Variants in PLPPR3 observed in about 807,000 individuals in gnomAD.
PLPPR3 encodes the protein phospholipid phosphatase-related protein type 3.
PLPPR3 carries 14 observed loss-of-function variants against 27.3 expected under a neutral mutation model. That is an observed-to-expected ratio of 0.51 (90% confidence interval 0.34 to 0.80). The LOEUF is 0.80. PLPPR3 is among the 30% of genes least tolerant of loss of function. The pLI is 0.01. For synonymous variants in PLPPR3, 671 were observed against 508.0 expected (o/e 1.32, Z -4.32); for missense variants, 1,287 against 1,056.9 (o/e 1.22, Z -3.02).
chr19:819,298 C>T (rs1452072791), intron 2 of PLPPR3, among the ~76,000 whole-genome samples: 1 of 59,712 alleles, frequency 1.7e-5, no homozygotes, highest in African/African-American at 1.8e-4. Context: ...TTTTTTTTTC[C>T]GAGATGGAGT....
Position 815,208 on chromosome 19 carries a change from C to T in PLPPR3, c.381G>A (p.Leu127=), listed in dbSNP as rs1402561139. The change falls in exon 4 of 8, where the codon CTG becomes CTA. Residue 127 remains leucine (L), a synonymous_variant. Coordinates refer to ENST00000520876, the MANE Select transcript of PLPPR3 (RefSeq NM_001270366.2). ...NAGGCNFNSF[L]RRTVRFVGVH... is the part of the protein sequence containing the mutation. Reference sequence around the variant, plus strand: ...CACCCACAAACCGCACCGTACGCCGCAGGAAGGAGTTGAAGTTGCAGCCGC... The same window carrying T: ...CACCCACAAACCGCACCGTACGCCGTAGGAAGGAGTTGAAGTTGCAGCCGC... The T allele has an allele frequency of 1.9e-6, 3 of 1,602,718 alleles. No homozygotes were observed. Among genetic ancestry groups the T allele is most frequent in the Non-Finnish European group, 1.7e-6 (2 of 1,177,540 alleles).
At position 821,570 on chromosome 19, in the gene PLPPR3, G is replaced by A. The variant is rs1272414966; in HGVS notation, c.-11C>T. 2.0e-6 allele frequency: 3 copies of A among 1,477,862 alleles called. No homozygotes were observed. Among genetic ancestry groups the A allele is most frequent in the Admixed American group, 4.5e-5 (2 of 44,418 alleles). The allele number at this position is 1,477,862 out of a possible 1,614,324, so 91.5% of individuals were successfully genotyped here. On this transcript the variant is annotated 5_prime_UTR_variant, in exon 2 of 8. Coordinates refer to ENST00000520876, the MANE Select transcript of PLPPR3 (RefSeq NM_001270366.2). The stretch of plus-strand genomic sequence containing the variant: ...CTTGGTGGAGATCATGGTGCCGCGG[G>A]CGCCGCAGGCCGTGGCTGGAGGGGA...
At position 814,903 on chromosome 19, in the gene PLPPR3, G is replaced by T; in HGVS notation, c.582C>A (p.His194Gln). ...TQDICSGHDI[H>Q]AILSARKTFP... ...CGGCTCACCGTGCAGACAGGATGGC[G>T]TGGATGTCGTGGCCGGAGCAGATGT... is the stretch of plus-strand genomic sequence containing the variant. The change falls in exon 5 of 8, where the codon CAC (histidine) becomes CAA (glutamine). Residue 194 changes from histidine (H) to glutamine (Q), a missense_variant. By Grantham distance (24) the His-to-Gln change is conservative. Transcript: ENST00000520876. 2 of 1,610,996 alleles carry T rather than the reference G, an allele frequency of 1.2e-6. No individual in the cohort carries two copies. Among genetic ancestry groups the T allele is most frequent in the Non-Finnish European group, 1.7e-6 (2 of 1,179,906 alleles).
In PLPPR3 at chr19:821,478, C is replaced by T. The variant is rs1016181550; in HGVS notation, c.75+7G>A. On this transcript the variant is annotated splice_region_variant and intron_variant, in intron 2 of 7. Transcript: ENST00000520876. ...CTCCCCCGGGCCCCAGCGCGACCCC[C>T]ACCCACCTCCACGAAGTAGAAGCAG... 2.6e-6 allele frequency: 4 copies of T among 1,512,622 alleles called. No individual in the cohort carries two copies. The highest frequency in any genetic ancestry group is 3.5e-6 in the Non-Finnish European group (4 of 1,129,918). 93.7% of individuals were successfully genotyped at this position (1,512,622 alleles called of 1,614,324 possible). A position where few individuals can be genotyped will look rare whatever the true frequency, so the allele number is the denominator to read the frequency against.
Position 813,673 on chromosome 19 carries a change from C to G in PLPPR3, c.1054G>C (p.Ala352Pro). The change falls in exon 8 of 8, where the codon GCC (alanine) becomes CCC (proline). Residue 352 changes from alanine to proline, a missense_variant. Coordinates refer to ENST00000520876, the MANE Select transcript of PLPPR3 (RefSeq NM_001270366.2). The surrounding 1 kb of genome is among the most constrained non-coding windows in gnomAD (Gnocchi z 4.1). ...EKTSLGSLKR[A>P]SVDVDLLAPR... ...GCCAGCAGGTCCACGTCCACGCTGGCGCGCTTCAGGCTGCCCAGCGAGGTC... is the reference window on the plus strand; with the variant it reads ...GCCAGCAGGTCCACGTCCACGCTGGGGCGCTTCAGGCTGCCCAGCGAGGTC... 2.0e-6 allele frequency: 3 copies of G among 1,534,298 alleles called. No homozygotes were observed. The highest frequency in any genetic ancestry group is 2.6e-6 in the Non-Finnish European group (3 of 1,144,760).
rs775963716 is a variant in PLPPR3, at chr19:812,926, G to A, written c.1801C>T (p.Pro601Ser). The A allele has an allele frequency of 1.0e-5, 14 of 1,334,520 alleles. No homozygotes were observed. The highest frequency in any genetic ancestry group is 1.6e-5 in the African/African-American group (1 of 62,942). 82.7% of individuals were successfully genotyped at this position (1,334,520 alleles called of 1,614,324 possible). Residue 601 changes from proline to serine, a missense_variant, in exon 8 of 8, where the codon CCC becomes TCC. Physicochemically the swap from Pro to Ser is moderately conservative, Grantham distance 74. Transcript: ENST00000520876. ...PVVHLSAGGA[P>S]WEWKAAGGGA... ...CCGCCCGCCGCCTTCCACTCCCAGG[G>A]CGCGCCGCCGGCCGACAGGTGCACC...
rs991095722 is a variant in PLPPR3 at position 813,857 on chromosome 19, T to C, written c.870A>G (p.Ala290=). Residue 290 remains alanine (A), a synonymous_variant, in exon 8 of 8, where the codon GCA becomes GCG. Transcript: ENST00000520876. This position sits in a 1 kb window ranked among gnomAD's most constrained non-coding sequence, Gnocchi z 4.1. ...CGGGGGCCGGGGCCGCGGGCTTCTC[T>C]GCAGGTGGGGCCTGGAAGTTGCCCA... ...HAVGNFQAPP[A]EKPAAPAPAK... 6 of 1,458,856 alleles carry C rather than the reference T, an allele frequency of 4.1e-6. No individual in the cohort carries two copies. The African/African-American group carries it at 8.7e-5, about 21-fold the overall frequency. The allele number at this position is 1,458,856 out of a possible 1,614,324, so 90.4% of individuals were successfully genotyped here. A position where few individuals can be genotyped will look rare whatever the true frequency, so the allele number is the denominator to read the frequency against.
intron 2 of PLPPR3, among the ~76,000 whole-genome samples, chr19:818,174 G>A (rs1349882884): frequency 6.6e-6 from 1 of 152,138 alleles, no homozygotes; most frequent in Non-Finnish European, 1.5e-5. Flanking sequence ...CCTGAGGTCA[G>A]GAGTTTGAGA....
chr19:821,578 G>C lies in PLPPR3; in HGVS notation c.-19C>G. 1 of 1,472,004 alleles carries C rather than the reference G, an allele frequency of 6.8e-7. No individual in the cohort carries two copies. Among genetic ancestry groups the C allele is most frequent in the Non-Finnish European group, 9.1e-7 (1 of 1,103,324 alleles). 91.2% of individuals were successfully genotyped at this position (1,472,004 alleles called of 1,614,324 possible). A position where few individuals can be genotyped will look rare whatever the true frequency, so the allele number is the denominator to read the frequency against. ...AGATCATGGTGCCGCGGGCGCCGCA[G>C]GCCGTGGCTGGAGGGGAGAAAGCGG... On this transcript the variant is annotated 5_prime_UTR_variant, in exon 2 of 8. Transcript: ENST00000520876.
chr19:823,450 A>AAAAAAAAAAAAAAAAAAAAAAAAAC (rs111454578), upstream of PLPPR3, among the ~76,000 whole-genome samples: 1 of 143,832 alleles, frequency 7.0e-6, no homozygotes, highest in African/African-American at 2.5e-5. Context: ...TCAAAAAAAA[A>AAAAAAAAAAAAAAAAAAAAAAAAAC]AAAAAAAACA....
At chr19:819,830 C>A (rs1333012766) in intron 2 of PLPPR3, among the ~76,000 whole-genome samples, 3 of 152,030 alleles carry the variant, frequency 2.0e-5, no homozygotes, top group Admixed American at 6.6e-5. Context: ...GCCTGACATG[C>A]AAGGATGGAT....
chr19:818,856 T>C (rs115575707), intron 2 of PLPPR3, among the ~76,000 whole-genome samples: 3,659 of 151,552 alleles, frequency 0.024, 132 homozygotes, highest in African/African-American at 0.083. Context: ...TTTTAAAAAT[T>C]AGCTGGGGCT....
Position 813,112 on chromosome 19 carries a change from C to T in PLPPR3, c.1615G>A (p.Val539Ile), listed in dbSNP as rs1191590779. The T allele has an allele frequency of 1.3e-6, 2 of 1,502,240 alleles. No individual in the cohort carries two copies. The highest frequency in any genetic ancestry group is 1.8e-6 in the Non-Finnish European group (2 of 1,136,938). The allele number at this position is 1,502,240 out of a possible 1,614,324, so 93.1% of individuals were successfully genotyped here. Residue 539 changes from valine (V) to isoleucine (I), a missense_variant, in exon 8 of 8, where the codon GTC becomes ATC. Physicochemically the swap from Val to Ile is conservative, Grantham distance 29 (BLOSUM62 3). Transcript: ENST00000520876. This position sits in a 1 kb window ranked among gnomAD's most constrained non-coding sequence, Gnocchi z 4.1. ...CCCGGAGCCTTGGACATGGCGATGA[C>T]CTGCAGCAGCCGCGGAGGGTTGGCC... ...AVANPPRLLQVIAMSKAPGAP... is the reference protein window; with the variant it reads ...AVANPPRLLQIIAMSKAPGAP...
At chr19:816,384 CCACCCACCCA>C (rs1206278936) in intron 2 of PLPPR3, among the ~76,000 whole-genome samples, 9 of 52,460 alleles carry the variant, frequency 1.7e-4, no homozygotes, top group South Asian at 6.0e-4. Flanking sequence ...ATCCATCCAT[CCACCCACCCA>C]TCATCCATCC....
At position 813,385 on chromosome 19, in the gene PLPPR3, C is replaced by T. The variant is rs534594455; in HGVS notation, c.1342G>A (p.Asp448Asn). The T allele has an allele frequency of 3.0e-4, 451 of 1,501,052 alleles. 6 individuals carry two copies. In the South Asian group the frequency reaches 5.3e-3, roughly 18 times the overall value. The allele number at this position is 1,501,052 out of a possible 1,614,324, so 93.0% of individuals were successfully genotyped here. A position where few individuals can be genotyped will look rare whatever the true frequency, so the allele number is the denominator to read the frequency against. ...PMAEEEEEEE[D>N]EEEEEEEEEE... ...TCCTCCTCCTCCTCTTCCTCTTCGT[C>T]CTCCTCCTCTTCCTCCTCCTCCGCC... The change falls in exon 8 of 8, where the codon GAC (aspartate) becomes AAC (asparagine). Residue 448 changes from aspartate (D) to asparagine (N), a missense_variant. Coordinates refer to ENST00000520876, the MANE Select transcript of PLPPR3 (RefSeq NM_001270366.2). The surrounding 1 kb of genome is among the most constrained non-coding windows in gnomAD (Gnocchi z 4.1).
At chr19:814,334 C>G in intron 7 of PLPPR3, 100 bp downstream of exon 7, 1 of 1,230,496 alleles carries the variant, frequency 8.1e-7, no homozygotes, top group Non-Finnish European at 1.1e-6. Flanking sequence ...ACCTCAGACC[C>G]CTGGGCCAGC....
chr19:821,649 C>T, intron 1 of PLPPR3, 64 bp from the exon 2 acceptor site: 4 of 944,934 alleles, frequency 4.2e-6, no homozygotes, highest in Non-Finnish European at 5.9e-6. Flanking sequence ...GACACGGTGG[C>T]CGGCGCCGGC....
intron 7 of PLPPR3, 76 bp downstream of exon 7, chr19:814,358 C>A: frequency 1.4e-6 from 2 of 1,420,350 alleles, no homozygotes; most frequent in East Asian, 2.5e-5. Context: ...CCCACTCAGG[C>A]CCTGTGGGCA....
At position 812,830 on chromosome 19, in the gene PLPPR3, T is replaced by C; in HGVS notation, c.1897A>G (p.Lys633Glu). Residue 633 changes from lysine to glutamate, a missense_variant, in exon 8 of 8, where the codon AAG becomes GAG. Coordinates refer to ENST00000520876, the MANE Select transcript of PLPPR3 (RefSeq NM_001270366.2). ...GAGCCGGGGGACACGCCCGGGGGCTTGGCCCCGCCGCGGAAGCCGCGCGCC... is the reference window on the plus strand; with the variant it reads ...GAGCCGGGGGACACGCCCGGGGGCTCGGCCCCGCCGCGGAAGCCGCGCGCC... ...DLARGFRGGAKPPGVSPGSSV... is the reference protein window; with the variant it reads ...DLARGFRGGAEPPGVSPGSSV... The C allele has an allele frequency of 9.0e-7, 1 of 1,112,396 alleles. No homozygotes were observed. The highest frequency in any genetic ancestry group is 3.4e-5 in the South Asian group (1 of 29,262). 68.9% of individuals were successfully genotyped at this position (1,112,396 alleles called of 1,614,324 possible).
Sources: allele counts gnomAD v4.1 joint callset (sites outside exome capture counted in the v4.1 genomes callset), GRCh38; gene constraint gnomAD v4.1.1; non-coding constraint Gnocchi (gnomAD v3.1); transcripts MANE v1.5; gene names NCBI Gene and HGNC (gene_info 2026-07-23, HGNC 2026-07-21).